Variants in FSTL5 observed in about 807,000 individuals in gnomAD.
FSTL5 encodes follistatin like 5.
In FSTL5, 62 loss-of-function variants were observed where a neutral mutation model predicts 89.1. The observed-to-expected ratio is 0.70, with a 90% CI of 0.57 to 0.86. The LOEUF (loss-of-function observed/expected upper bound fraction) is 0.86. Among genes scored for constraint, FSTL5 ranks in the 40% least tolerant of loss-of-function variants. The pLI is 0.00. For synonymous variants in FSTL5, 383 were observed against 346.2 expected, an observed-to-expected ratio of 1.11 and a Z score of -1.18; for missense variants, 1,057 against 1,001.6, an observed-to-expected ratio of 1.06 and a Z score of -0.75.
chr4:162,006,411 C>T (rs1469546330), intron 3 of FSTL5, among the ~76,000 whole-genome samples: 1 of 151,696 alleles, frequency 6.6e-6, no homozygotes, highest in Non-Finnish European at 1.5e-5. Context: ...AATATGCATG[C>T]CTTGTGATAC....
chr4:161,624,075 C>T (rs1262912012), intron 7 of FSTL5, among the ~76,000 whole-genome samples: 1 of 151,876 alleles, frequency 6.6e-6, no homozygotes, highest in Non-Finnish European at 1.5e-5. Context: ...AAAAATGCTT[C>T]CACATGAGAG....
intron 6 of FSTL5, among the ~76,000 whole-genome samples, chr4:161,688,646 T>C (rs1737823607): frequency 6.6e-6 from 1 of 152,214 alleles, no homozygotes; most frequent in Admixed American, 6.5e-5. Context: ...ATAGAAATAT[T>C]ACTATATGCT....
intron 6 of FSTL5, among the ~76,000 whole-genome samples, chr4:161,688,259 T>A: frequency 6.6e-6 from 1 of 152,130 alleles, no homozygotes; most frequent in East Asian, 1.9e-4. Context: ...ATATATTTAA[T>A]TTTTATAGAG....
chr4:162,137,833 T>C lies in FSTL5; in HGVS notation c.-17+25782A>G, dbSNP rs146568325. Among the ~76,000 whole-genome samples the C allele has an allele frequency of 1.2e-3, 177 of 152,300 alleles. 2 individuals carry two copies. The South Asian group carries it at 0.019, about 16-fold the overall frequency. On this transcript the variant is annotated intron_variant, in intron 1 of 15. Transcript: ENST00000306100. ...TTCTATCGAAAAGCAATATCATAGC[T>C]AGCATATCATAAACTAACACATTCA... is the stretch of plus-strand genomic sequence containing the variant.
At chr4:161,852,054 C>A (rs948056975) in intron 4 of FSTL5, among the ~76,000 whole-genome samples, 1 of 151,948 alleles carries the variant, frequency 6.6e-6, no homozygotes, top group African/African-American at 2.4e-5. Flanking sequence ...TTTATTTATG[C>A]CATCTTCCAG....
At chr4:161,859,389 C>G (rs1198281804) in intron 4 of FSTL5, among the ~76,000 whole-genome samples, 1 of 152,168 alleles carries the variant, frequency 6.6e-6, no homozygotes. Flanking sequence ...GTTATATCCA[C>G]TTCCAAAGAC....
At chr4:161,726,962 G>A (rs1466752316) in intron 6 of FSTL5, among the ~76,000 whole-genome samples, 1 of 150,528 alleles carries the variant, frequency 6.6e-6, no homozygotes, top group East Asian at 1.9e-4. Context: ...TACTGATAAA[G>A]AAAAGCATTA....
chr4:161,843,146 G>A (rs1731263918), intron 4 of FSTL5, among the ~76,000 whole-genome samples: 1 of 152,102 alleles, frequency 6.6e-6, no homozygotes, highest in Non-Finnish European at 1.5e-5. Flanking sequence ...CATATAAATT[G>A]TTATGCTACT....
At chr4:161,649,421 A>AATAAACAAT in intron 7 of FSTL5, among the ~76,000 whole-genome samples, 2 of 152,178 alleles carry the variant, frequency 1.3e-5, no homozygotes, top group Non-Finnish European at 2.9e-5. Flanking sequence ...CATCAATCTA[A>AATAAACAAT]GTGTCAATAA....
chr4:161,978,408 TTAAA>T (rs1415678132), intron 3 of FSTL5, among the ~76,000 whole-genome samples: 1 of 152,160 alleles, frequency 6.6e-6, no homozygotes, highest in Non-Finnish European at 1.5e-5. Flanking sequence ...TTTTTGTTGT[TTAAA>T]TATTTACATT....
chr4:162,068,313 A>G (rs1729435731), intron 2 of FSTL5, among the ~76,000 whole-genome samples: 1 of 152,122 alleles, frequency 6.6e-6, no homozygotes, highest in Admixed American at 6.6e-5. Flanking sequence ...ACTACAAGCT[A>G]CAGTAACCAA....
intron 6 of FSTL5, among the ~76,000 whole-genome samples, chr4:161,734,183 T>C (rs1739712735): frequency 6.6e-6 from 1 of 152,158 alleles, no homozygotes; most frequent in Admixed American, 6.6e-5. Flanking sequence ...AGCACTTTCA[T>C]AAATGTTAAT....
At chr4:161,655,458 A>T (rs1265133643) in intron 7 of FSTL5, among the ~76,000 whole-genome samples, 3 of 152,140 alleles carry the variant, frequency 2.0e-5, no homozygotes, top group Non-Finnish European at 2.9e-5. Flanking sequence ...TAATTATTTC[A>T]GCGAAAGCCA....
intron 2 of FSTL5, among the ~76,000 whole-genome samples, chr4:162,042,667 C>T (rs1325550284): frequency 6.6e-6 from 1 of 151,982 alleles, no homozygotes; most frequent in Non-Finnish European, 1.5e-5. Context: ...GGTACCCACA[C>T]ATATAGGCAC....
intron 6 of FSTL5, among the ~76,000 whole-genome samples, chr4:161,666,076 T>C (rs1301476019): frequency 6.6e-6 from 1 of 152,074 alleles, no homozygotes; most frequent in Non-Finnish European, 1.5e-5. Context: ...AAATTTAAAA[T>C]ATCTATTCCT....
chr4:162,017,420 T>A (rs751192808), intron 3 of FSTL5, among the ~76,000 whole-genome samples: 31 of 152,188 alleles, frequency 2.0e-4, no homozygotes, highest in Non-Finnish European at 3.5e-4. Context: ...TACATCATAC[T>A]AAAATTATTA....
At chr4:161,655,693 A>G (rs1312028936) in intron 7 of FSTL5, among the ~76,000 whole-genome samples, 6 of 152,178 alleles carry the variant, frequency 3.9e-5, no homozygotes, top group Admixed American at 3.9e-4. Context: ...AACACTGTGA[A>G]TTATTTCATA....
intron 2 of FSTL5, among the ~76,000 whole-genome samples, chr4:162,082,265 T>A (rs1315996707): frequency 6.6e-6 from 1 of 151,702 alleles, no homozygotes; most frequent in East Asian, 1.9e-4. Context: ...AAATTACTCA[T>A]TGAGTCTAAA....
At chr4:161,875,222 C>CT (rs1466790786) in intron 4 of FSTL5, among the ~76,000 whole-genome samples, 1 of 152,164 alleles carries the variant, frequency 6.6e-6, no homozygotes, top group Non-Finnish European at 1.5e-5. Flanking sequence ...AAGGAAAACT[C>CT]TAACTTTCCA....
Sources: allele counts gnomAD v4.1 joint callset (sites outside exome capture counted in the v4.1 genomes callset), GRCh38; gene constraint gnomAD v4.1.1; transcripts MANE v1.5; gene names NCBI Gene and HGNC (gene_info 2026-07-23, HGNC 2026-07-21).